The following UGGT1 variants were observed in gnomAD, a reference collection of about 807,000 sequenced individuals.
UGGT1 encodes UDP-glucose glycoprotein glucosyltransferase 1.
A neutral mutation model predicts 203.9 loss-of-function variants in UGGT1; 107 were observed. That is an observed-to-expected ratio of 0.52 (90% confidence interval 0.45 to 0.62). UGGT1 has a LOEUF of 0.62. Among genes scored for constraint, UGGT1 ranks in the 20% least tolerant of loss-of-function variants. The pLI is 0.00. For synonymous variants in UGGT1, 628 were observed against 653.5 expected (o/e 0.96, Z 0.59); for missense variants, 1,673 against 1,867.2 (o/e 0.90, Z 1.92).
At chr2:128,105,859 G>C (rs1687583678) in intron 3 of UGGT1, among the ~76,000 whole-genome samples, 1 of 140,854 alleles carries the variant, frequency 7.1e-6, no homozygotes, top group Non-Finnish European at 1.5e-5. Context: ...AGGCTGGAGT[G>C]CAGTGGTGTA....
At chr2:128,133,941 C>G (rs528761291) in intron 14 of UGGT1, among the ~76,000 whole-genome samples, 5 of 152,230 alleles carry the variant, frequency 3.3e-5, no homozygotes, top group African/African-American at 9.6e-5. Context: ...CTCACACAGC[C>G]GGGAAAGAGA....
chr2:128,164,968 A>C, intron 26 of UGGT1, 143 bp downstream of exon 26: 1 of 594,574 alleles, frequency 1.7e-6, no homozygotes, highest in South Asian at 2.5e-5. Flanking sequence ...TGCAGTTTTC[A>C]CATGTATATA....
intron 8 of UGGT1, among the ~76,000 whole-genome samples, chr2:128,117,103 T>A (rs932368279): frequency 1.4e-4 from 21 of 152,300 alleles, no homozygotes; most frequent in South Asian, 1.2e-3. Flanking sequence ...TTATTTATTT[T>A]TTTTGAGACA....
rs1689661913 is a variant in UGGT1, at chr2:128,145,836, G to A, written c.1885G>A (p.Gly629Arg). The A allele has an allele frequency of 3.1e-6, 5 of 1,610,500 alleles. No individual in the cohort carries two copies. Among genetic ancestry groups the A allele is most frequent in the Non-Finnish European group, 4.2e-6 (5 of 1,177,678 alleles). Residue 629 changes from glycine to arginine, a missense_variant, in exon 18 of 41, where the codon GGA becomes AGA. Gly to Arg is a moderately radical substitution (Grantham distance 125). Transcript: ENST00000259253. ...ARGYYEQTGV[G>R]PLPVVLFNGM... ...AGGCTACTATGAGCAGACTGGAGTT[G>A]GACCTCTGCCCGTTGTGCTGTTCAA...
At chr2:128,120,328 A>G in intron 8 of UGGT1, 28 bp from the exon 9 acceptor site, 2 of 1,593,178 alleles carry the variant, frequency 1.3e-6, no homozygotes, top group Admixed American at 1.8e-5. Flanking sequence ...AAAATAATGA[A>G]AAGGACTGAT....
intron 15 of UGGT1, among the ~76,000 whole-genome samples, chr2:128,137,061 T>G (rs996563627): frequency 1.3e-5 from 2 of 152,236 alleles, no homozygotes; most frequent in Non-Finnish European, 2.9e-5. Flanking sequence ...CTTCTTTTTT[T>G]CCCCCTGCCC....
chr2:128,153,506 A>G (rs11693119), intron 19 of UGGT1, among the ~76,000 whole-genome samples: 46,581 of 152,064 alleles, frequency 0.31, 8,591 homozygotes, highest in Non-Finnish European at 0.4. Context: ...ACCTATTAGT[A>G]GTCACTCTCT....
chr2:128,165,449 G>A lies in UGGT1; in HGVS notation c.2921+624G>A, dbSNP rs556093235. 1.8e-3 allele frequency among the ~76,000 whole-genome samples: 269 copies of A among 152,300 alleles called. 1 individual carries two copies. Among genetic ancestry groups the A allele is most frequent in the Non-Finnish European group, 3.5e-3 (235 of 68,034 alleles). On this transcript the variant is annotated intron_variant, in intron 26 of 40. Transcript: ENST00000259253. ...GTGGTGGCTCATGCCTGTAATCCCA[G>A]CACTTTGCGAGGCTGAGGCCAGCGG...
At position 128,156,433 on chromosome 2, in the gene UGGT1, A is replaced by T. The variant is rs1158576684; in HGVS notation, c.2260+18A>T. 5 of 1,573,772 alleles carry T rather than the reference A, an allele frequency of 3.2e-6. No homozygotes were observed. In the South Asian group the frequency reaches 5.6e-5, roughly 18 times the overall value. ...AATCTATGGTAACTTAAAACTTCAG[A>T]ATGTTCTATTTCTTAATTTTCTTCT... On this transcript the variant is annotated intron_variant, in intron 21 of 40. Coordinates refer to ENST00000259253, the MANE Select transcript of UGGT1 (RefSeq NM_020120.4).
At chr2:128,112,764 T>C (rs1048787522) in intron 5 of UGGT1, among the ~76,000 whole-genome samples, 10 of 151,538 alleles carry the variant, frequency 6.6e-5, no homozygotes, top group Non-Finnish European at 5.9e-5. Flanking sequence ...CGTTATTTAT[T>C]GTAGAGTCGA....
In UGGT1 at chr2:128,108,003, C is replaced by G; in HGVS notation, c.343C>G (p.Gln115Glu). The stretch of plus-strand genomic sequence containing the variant: ...ATTTCAGTTTCTGTCACCCCTCCAG[C>G]AGAATTTGTTTAAATTTTGTCTGTC... ...AAFQFLSPLQ[Q>E]NLFKFCLSLR... Residue 115 changes from glutamine to glutamate, a missense_variant, in exon 4 of 41, where the codon CAG (glutamine) becomes GAG (glutamate). Physicochemically the swap from Gln to Glu is conservative, Grantham distance 29 (BLOSUM62 2). Around this residue, in one of 4 missense-constraint regions of UGGT1, gnomAD observed 1,073 missense variants for 1,078.7 expected, o/e 0.99. Transcript: ENST00000259253. 6.2e-7 allele frequency: 1 copy of G among 1,614,126 alleles called. No individual in the cohort carries two copies.
chr2:128,147,613 T>TG (rs1689751875), intron 18 of UGGT1, among the ~76,000 whole-genome samples: 2 of 148,812 alleles, frequency 1.3e-5, no homozygotes, highest in Admixed American at 1.3e-4. Context: ...CTGCATGTCT[T>TG]TTTTTTTTTG....
intron 18 of UGGT1, among the ~76,000 whole-genome samples, chr2:128,148,507 A>G (rs1428972480): frequency 6.6e-6 from 1 of 152,204 alleles, no homozygotes; most frequent in African/African-American, 2.4e-5. Context: ...AAAGTCTCCC[A>G]GTTTTCCCCA....
intron 3 of UGGT1, among the ~76,000 whole-genome samples, chr2:128,104,998 CTGA>C (rs1336021427): frequency 6.6e-6 from 1 of 151,278 alleles, no homozygotes; most frequent in East Asian, 1.9e-4. Context: ...GTGACTGCTG[CTGA>C]TGTTAATGGG....
chr2:128,102,206 G>A (rs1201455549), intron 2 of UGGT1, among the ~76,000 whole-genome samples: 2 of 151,270 alleles, frequency 1.3e-5, no homozygotes, highest in Non-Finnish European at 2.9e-5. Context: ...GCAATGGCAC[G>A]ATCTTGGCTC....
intron 29 of UGGT1, 66 bp downstream of exon 29, chr2:128,172,828 T>C: frequency 6.8e-7 from 1 of 1,465,268 alleles, no homozygotes; most frequent in Non-Finnish European, 9.3e-7. Flanking sequence ...AATCATAGTC[T>C]AGGTGGGCCT....
chr2:128,120,145 A>G (rs1481547333), intron 8 of UGGT1, among the ~76,000 whole-genome samples: 5 of 151,722 alleles, frequency 3.3e-5, no homozygotes, highest in Admixed American at 3.3e-4. Context: ...TATTCTAGCA[A>G]TTTTTCTATA....
intron 25 of UGGT1, 48 bp from the exon 26 acceptor site, chr2:128,164,682 A>C (rs1690695941): frequency 6.6e-7 from 1 of 1,526,496 alleles, no homozygotes; most frequent in Non-Finnish European, 9.1e-7. Context: ...ATAATTGGAA[A>C]ACTTTCAGTT....
At chr2:128,142,973 G>A (rs1476564195) in intron 16 of UGGT1, 121 bp from the exon 17 acceptor site, 15 of 1,043,272 alleles carry the variant, frequency 1.4e-5, no homozygotes, top group South Asian at 4.1e-5. Flanking sequence ...GCAAAACTCC[G>A]TCTCAAAAAA....
Sources: gnomAD v4.1 joint callset for allele counts (sites outside exome capture counted in the v4.1 genomes callset) on GRCh38, gnomAD v4.1.1 for gene constraint, gnomAD v4.1.1 regional missense constraint, MANE v1.5 for transcripts, NCBI Gene and HGNC (gene_info 2026-07-23, HGNC 2026-07-21) for gene names.